Variants in ATG13 observed in about 807,000 individuals in gnomAD.
ATG13 encodes autophagy-related protein 13.
A neutral mutation model predicts 65.5 loss-of-function variants in ATG13; 23 were observed. The ratio of observed to expected loss-of-function variants is 0.35; its 90% confidence interval spans 0.25 to 0.50. The LOEUF is 0.50. ATG13 is among the 20% of genes least tolerant of loss of function. The pLI is 0.98. For missense variants in ATG13, 566 were observed against 677.0 expected, an observed-to-expected ratio of 0.84 and a Z score of 1.82; for synonymous variants, 252 against 245.2, an observed-to-expected ratio of 1.03 and a Z score of -0.26.
chr11:46,665,531 T>TTTTGGC lies in ATG13; in HGVS notation c.1136+14_1136+19dup, dbSNP rs2062113746. ...ACACCCTCCAGTAGGTGAGTTCACA[T>TTTTGGC]TTTGGCTCTGTCTCTGGTAAGGCTG... is the stretch of plus-strand genomic sequence containing the variant. On this transcript the variant is annotated intron_variant, in intron 14 of 18. Coordinates refer to ENST00000683050, the MANE Select transcript of ATG13 (RefSeq NM_001346311.2). The TTTTGGC allele has an allele frequency of 6.2e-7, 1 of 1,613,560 alleles. No individual in the cohort carries two copies.
intron 2 of ATG13, among the ~76,000 whole-genome samples, chr11:46,639,468 G>A (rs1443460494): frequency 6.6e-6 from 1 of 152,078 alleles, no homozygotes; most frequent in African/African-American, 2.4e-5. Flanking sequence ...GTTGCTTCAG[G>A]TTGTGGGTCA....
intron 7 of ATG13, among the ~76,000 whole-genome samples, chr11:46,651,405 C>A (rs2058864107): frequency 3.9e-5 from 6 of 152,154 alleles, no homozygotes; most frequent in Admixed American, 3.9e-4. Context: ...ATGGAGAGTT[C>A]AGCAGCTAGC....
At chr11:46,644,166 C>G in intron 2 of ATG13, 113 bp from the exon 3 acceptor site, 2 of 735,538 alleles carry the variant, frequency 2.7e-6, no homozygotes, top group Non-Finnish European at 4.0e-6. Context: ...TTTTTTCCTC[C>G]CACTCCCACA....
intron 18 of ATG13, 56 bp downstream of exon 18, chr11:46,669,588 G>A: frequency 6.3e-7 from 1 of 1,597,626 alleles, no homozygotes; most frequent in Non-Finnish European, 8.6e-7. Flanking sequence ...TCATTCCTTT[G>A]CCAAAGGCCT....
At chr11:46,657,663 G>A (rs1400638474) in intron 10 of ATG13, 41 bp downstream of exon 10, 2 of 1,501,830 alleles carry the variant, frequency 1.3e-6, no homozygotes, top group South Asian at 2.5e-5. Flanking sequence ...CTGCAGCTGG[G>A]CAGAAGCATC....
At chr11:46,627,679 A>G (rs747536746) in intron 1 of ATG13, among the ~76,000 whole-genome samples, 2 of 151,944 alleles carry the variant, frequency 1.3e-5, no homozygotes, top group African/African-American at 4.8e-5. Flanking sequence ...GGGTTTCTCC[A>G]TGTTCATCAG....
At chr11:46,650,450 C>T in intron 7 of ATG13, 133 bp downstream of exon 7, 1 of 1,240,078 alleles carries the variant, frequency 8.1e-7, no homozygotes, top group Admixed American at 2.2e-5. Context: ...CTGTCGCTTT[C>T]ATGTGATCAC....
intron 11 of ATG13, 23 bp downstream of exon 11, chr11:46,659,508 G>T: frequency 6.3e-7 from 1 of 1,579,254 alleles, no homozygotes; most frequent in Non-Finnish European, 8.7e-7. Flanking sequence ...AGGTTCTGGG[G>T]TGGTGGTAGT....
rs190920946 is a variant in ATG13 at position 46,653,129 on chromosome 11, A to G, written c.458+2812A>G. 1.2e-4 allele frequency among the ~76,000 whole-genome samples: 18 copies of G among 148,400 alleles called. No homozygotes were observed. In the East Asian group the frequency reaches 3.5e-3, roughly 29 times the overall value. On this transcript the variant is annotated intron_variant, in intron 7 of 18. Coordinates refer to ENST00000683050, the MANE Select transcript of ATG13 (RefSeq NM_001346311.2). ...AGTATCTTTTGTCTGTCGTATCTGT[A>G]GTACTTTTGTGCTTTGTATTTCAGA...
intron 15 of ATG13, among the ~76,000 whole-genome samples, chr11:46,668,222 A>AGG (rs1321820572): frequency 6.6e-6 from 1 of 152,244 alleles, no homozygotes; most frequent in African/African-American, 2.4e-5. Flanking sequence ...GGGGCCAGTG[A>AGG]AGCACATTAT....
At chr11:46,666,492 C>T (rs1048795201) in intron 14 of ATG13, among the ~76,000 whole-genome samples, 11 of 152,220 alleles carry the variant, frequency 7.2e-5, no homozygotes, top group African/African-American at 2.7e-4. Context: ...AAATCTTTGT[C>T]TTTTCTGATT....
At chr11:46,672,156 G>A (rs2063888741) in intron 18 of ATG13, 99 bp from the exon 19 acceptor site, 9 of 1,581,068 alleles carry the variant, frequency 5.7e-6, no homozygotes, top group Non-Finnish European at 7.8e-6. Flanking sequence ...CTAGGGCTGA[G>A]CTTCGTCTTG....
chr11:46,643,955 A>C (rs1046104480), intron 2 of ATG13, among the ~76,000 whole-genome samples: 1 of 152,240 alleles, frequency 6.6e-6, no homozygotes, highest in African/African-American at 2.4e-5. Context: ...AGCAAAGTTT[A>C]TGTCTCATTA....
At chr11:46,618,630 A>C (rs1017494721) in intron 1 of ATG13, among the ~76,000 whole-genome samples, 3 of 152,200 alleles carry the variant, frequency 2.0e-5, no homozygotes, top group Non-Finnish European at 2.9e-5. Context: ...ATGTATTATA[A>C]TAAGAAACAA....
At chr11:46,668,616 C>A in intron 16 of ATG13, 40 bp downstream of exon 16, 1 of 1,588,488 alleles carries the variant, frequency 6.3e-7, no homozygotes, top group Non-Finnish European at 8.6e-7. Flanking sequence ...GTAGATGGTG[C>A]GCTAGTCATT....
chr11:46,657,242 T>C, intron 9 of ATG13, 51 bp downstream of exon 9: 1 of 1,509,538 alleles, frequency 6.6e-7, no homozygotes, highest in Non-Finnish European at 9.2e-7. Context: ...ATGTTAAAGT[T>C]TTTTTTCTCC....
chr11:46,657,553 G>A lies in ATG13; in HGVS notation c.626G>A (p.Gly209Glu). The change falls in exon 10 of 19, where the codon GGG becomes GAG. Residue 209 changes from glycine (G) to glutamate (E), a missense_variant. Gly to Glu is a moderately conservative substitution (Grantham distance 98). Around this residue, in one of 2 missense-constraint regions of ATG13, gnomAD observed 179 missense variants for 267.2 expected, o/e 0.67. Coordinates refer to ENST00000683050, the MANE Select transcript of ATG13 (RefSeq NM_001346311.2). The part of the protein sequence containing the change: ...RQFERTPPIM[G>E]IIIDHFVDRP... ...TTTGAGAGGACCCCACCTATCATGGGGATTATTATTGATCACTTTGTGGAC... is the reference window on the plus strand; with the variant it reads ...TTTGAGAGGACCCCACCTATCATGGAGATTATTATTGATCACTTTGTGGAC... 1.2e-6 allele frequency: 2 copies of A among 1,613,978 alleles called. No homozygotes were observed. Among genetic ancestry groups the A allele is most frequent in the Non-Finnish European group, 1.7e-6 (2 of 1,179,946 alleles).
At chr11:46,622,444 T>C (rs574898424) in intron 1 of ATG13, among the ~76,000 whole-genome samples, 1 of 152,250 alleles carries the variant, frequency 6.6e-6, no homozygotes, top group South Asian at 2.1e-4. Flanking sequence ...TTTTAAATAA[T>C]TTTTTGTTGT....
intron 4 of ATG13, 112 bp from the exon 5 acceptor site, chr11:46,645,758 A>G: frequency 7.0e-7 from 1 of 1,429,860 alleles, no homozygotes; most frequent in Non-Finnish European, 9.6e-7. Flanking sequence ...AAGTGAATGA[A>G]TTGTCTTCCT....
Sources: allele counts gnomAD v4.1 joint callset (sites outside exome capture counted in the v4.1 genomes callset), GRCh38; gene constraint gnomAD v4.1.1; regional missense constraint gnomAD v4.1.1; transcripts MANE v1.5; gene names NCBI Gene and HGNC (gene_info 2026-07-23, HGNC 2026-07-21).